WDR47: variants seen among roughly 807,000 people sequenced by gnomAD.
WDR47 encodes the protein WD repeat domain 47.
A neutral mutation model predicts 97.2 loss-of-function variants in WDR47; 32 were observed. The observed-to-expected ratio is 0.33, with a 90% confidence interval of 0.25 to 0.44. WDR47 has a LOEUF of 0.44. Among genes scored for constraint, WDR47 ranks in the 20% least tolerant of loss-of-function variants. The probability of loss-of-function intolerance (pLI) is 1.00; values close to 1 mark genes in which losing one functional copy is unlikely to be tolerated. For synonymous variants in WDR47, 375 were observed against 373.5 expected (o/e 1.00, Z -0.05); for missense variants, 782 against 1,102.3 (o/e 0.71, Z 4.11).
rs1661002410 is a variant in WDR47, at chr1:109,011,020, T to C, written c.1026A>G (p.Ser342=). ...GATAATGGAAGTTAGCAAAGGAGTG[T>C]GACATTGGAGAAGTTTTGTTTCCAA... ...SDLGNKTSPM[S]HSFANFHYPG... is the part of the protein sequence containing the mutation. Residue 342 remains serine, a synonymous_variant, in exon 5 of 15, where the codon TCA becomes TCG. Coordinates refer to ENST00000369962, the MANE Select transcript of WDR47 (RefSeq NM_001142551.2). The C allele has an allele frequency of 1.2e-6, 2 of 1,614,164 alleles. No homozygotes were observed. The highest frequency in any genetic ancestry group is 2.2e-5 in the South Asian group (2 of 91,088).
rs749121980 is a variant in WDR47 at position 108,981,735 on chromosome 1, G to A, written c.2396C>T (p.Thr799Ile). ...VRVVGTTFHGTGSAVASVAVD... is the reference protein window; with the variant it reads ...VRVVGTTFHGIGSAVASVAVD... Reference sequence around the variant, plus strand: ...ATATCATTTAAAGAAAAACCTACCAGTTCCATGAAATGTTGTGCCAACAAC... The same window carrying A: ...ATATCATTTAAAGAAAAACCTACCAATTCCATGAAATGTTGTGCCAACAAC... Residue 799 changes from threonine (T) to isoleucine (I), a missense_variant and splice_region_variant, in exon 13 of 15, where the codon ACT becomes ATT. Coordinates refer to ENST00000369962, the MANE Select transcript of WDR47 (RefSeq NM_001142551.2). The A allele has an allele frequency of 2.5e-6, 4 of 1,610,942 alleles. No homozygotes were observed. The highest frequency in any genetic ancestry group is 1.7e-5 in the Admixed American group (1 of 59,566).
intron 2 of WDR47, among the ~76,000 whole-genome samples, chr1:109,020,769 C>CAAA (rs1328266198): frequency 1.3e-5 from 2 of 151,916 alleles, no homozygotes; most frequent in Non-Finnish European, 2.9e-5. Flanking sequence ...ATTCATAACA[C>CAAA]AAAATATAGG....
chr1:109,010,102 A>G (rs754056457), intron 5 of WDR47, among the ~76,000 whole-genome samples: 3 of 152,202 alleles, frequency 2.0e-5, no homozygotes, highest in East Asian at 1.9e-4. Context: ...TTACTCTTCT[A>G]TATTTTCCAA....
chr1:109,025,221 T>G (rs1415130755), intron 1 of WDR47, among the ~76,000 whole-genome samples: 1 of 150,872 alleles, frequency 6.6e-6, no homozygotes, highest in Non-Finnish European at 1.5e-5. Flanking sequence ...GAGGATCACA[T>G]GAGCCCAGGA....
intron 1 of WDR47, among the ~76,000 whole-genome samples, chr1:109,032,789 C>T (rs1457581019): frequency 6.6e-6 from 1 of 151,598 alleles, no homozygotes; most frequent in African/African-American, 2.4e-5. Flanking sequence ...CCCAGCTATT[C>T]AGGAGGCTGA....
intron 8 of WDR47, among the ~76,000 whole-genome samples, 154 bp from the exon 9 acceptor site, chr1:108,991,483 G>GATTC (rs1396943482): frequency 3.3e-5 from 5 of 152,114 alleles, no homozygotes; most frequent in Non-Finnish European, 7.4e-5. Context: ...ATAAGCTCTG[G>GATTC]ATTCAGTGGC....
Position 108,981,842 on chromosome 1 carries a change from G to A in WDR47, c.2289C>T (p.Thr763=). 6.2e-7 allele frequency: 1 copy of A among 1,613,160 alleles called. No homozygotes were observed. ...CAGATGCAATCATCCAGCCACTCCA[G>A]GTATAAAGTGCTAAAATATGCCCTA... The part of the protein sequence containing the change: ...GHTGHILALY[T]WSGWMIASGS... Residue 763 remains threonine (T), a synonymous_variant, in exon 13 of 15, where the codon ACC becomes ACT. Transcript: ENST00000369962.
rs1379801771 is a variant in WDR47, at chr1:109,011,312, A to G, written c.734T>C (p.Leu245Pro). Residue 245 changes from leucine (L) to proline (P), a missense_variant, in exon 5 of 15, where the codon CTG becomes CCG. Coordinates refer to ENST00000369962, the MANE Select transcript of WDR47 (RefSeq NM_001142551.2). ...NGCDDLDLSL[L>P]SWLQNLPSSV... The stretch of plus-strand genomic sequence containing the variant: ...AGATGGAAGATTCTGAAGCCATGAC[A>G]GTAAACTCAGATCCAAATCATCACA... 1 of 1,614,248 alleles carries G rather than the reference A, an allele frequency of 6.2e-7. No homozygotes were observed. Among genetic ancestry groups the G allele is most frequent in the Non-Finnish European group, 8.5e-7 (1 of 1,180,042 alleles).
chr1:109,011,038 G>A lies in WDR47; in HGVS notation c.1008C>T (p.Asn336=). ...SHDKRISDLG[N]KTSPMSHSFA... ...AGGAGTGTGACATTGGAGAAGTTTT[G>A]TTTCCAAGGTCTGAAATTCTCTTAT... Residue 336 remains asparagine (N), a synonymous_variant, in exon 5 of 15, where the codon AAC becomes AAT. Coordinates refer to ENST00000369962, the MANE Select transcript of WDR47 (RefSeq NM_001142551.2). The A allele has an allele frequency of 1.9e-6, 3 of 1,614,136 alleles. No individual in the cohort carries two copies. The highest frequency in any genetic ancestry group is 2.5e-6 in the Non-Finnish European group (3 of 1,180,026).
intron 8 of WDR47, among the ~76,000 whole-genome samples, chr1:108,991,993 G>A (rs1659384913): frequency 6.6e-6 from 1 of 151,924 alleles, no homozygotes; most frequent in Non-Finnish European, 1.5e-5. Context: ...ACTGTTTACG[G>A]CCAGCCAAAG....
chr1:108,997,874 A>T (rs1659882313), intron 7 of WDR47, among the ~76,000 whole-genome samples: 1 of 152,090 alleles, frequency 6.6e-6, no homozygotes, highest in Admixed American at 6.6e-5. Flanking sequence ...TCCAGCTGAG[A>T]TTCAATATAA....
In WDR47 at chr1:109,002,479, T is replaced by C. The variant is rs894049420; in HGVS notation, c.1255-77A>G. 6.9e-6 allele frequency: 8 copies of C among 1,156,784 alleles called. No individual in the cohort carries two copies. The East Asian group carries it at 1.9e-4, about 27-fold the overall frequency. 71.7% of individuals were successfully genotyped at this position (1,156,784 alleles called of 1,614,324 possible). A position where few individuals can be genotyped will look rare whatever the true frequency, so the allele number is the denominator to read the frequency against. On this transcript the variant is annotated intron_variant, in intron 6 of 14. Transcript: ENST00000369962. ...ATATCTTAACAGTACCTTTTATAAATGCTGAATAAAATATACAATTAGCTA... is the reference window on the plus strand; with the variant it reads ...ATATCTTAACAGTACCTTTTATAAACGCTGAATAAAATATACAATTAGCTA...
At chr1:109,008,331 TG>T (rs1203434629) in intron 5 of WDR47, among the ~76,000 whole-genome samples, 21 of 151,946 alleles carry the variant, frequency 1.4e-4, no homozygotes, top group Non-Finnish European at 2.8e-4. Context: ...AGTGCAATGG[TG>T]TAATCTCTGC....
At chr1:109,023,005 C>A (rs1371513450) in intron 2 of WDR47, among the ~76,000 whole-genome samples, 1 of 151,556 alleles carries the variant, frequency 6.6e-6, no homozygotes, top group Non-Finnish European at 1.5e-5. Context: ...GAGATCGAGA[C>A]CATCCTGGCT....
chr1:108,983,909 T>C (rs533225983), intron 10 of WDR47, among the ~76,000 whole-genome samples: 1 of 152,352 alleles, frequency 6.6e-6, no homozygotes, highest in African/African-American at 2.4e-5. Flanking sequence ...TACAGGTAGA[T>C]ATTGTCATGA....
At position 108,995,596 on chromosome 1, in the gene WDR47, G is replaced by T; in HGVS notation, c.1675C>A (p.Pro559Thr). 6.2e-7 allele frequency: 1 copy of T among 1,614,078 alleles called. No homozygotes were observed. Among genetic ancestry groups the T allele is most frequent in the Non-Finnish European group, 8.5e-7 (1 of 1,179,964 alleles). ...AGCACTTACATTTGGCTTCCACAAG[G>T]TGATTCCTCCAGAAAAGGTATGTGA... Reference protein sequence around the residue: ...TNHIPFLEESPCGSQISSEHS... With the variant: ...TNHIPFLEESTCGSQISSEHS... The change falls in exon 8 of 15, where the codon CCT (proline) becomes ACT (threonine). Residue 559 changes from proline (P) to threonine (T), a missense_variant. Pro to Thr is a conservative substitution (Grantham distance 38, BLOSUM62 -1). Coordinates refer to ENST00000369962, the MANE Select transcript of WDR47 (RefSeq NM_001142551.2).
Position 108,983,423 on chromosome 1 carries a change from C to T in WDR47, c.1954G>A (p.Val652Ile), listed in dbSNP as rs971524749. The T allele has an allele frequency of 1.2e-6, 2 of 1,601,676 alleles. No individual in the cohort carries two copies. Among genetic ancestry groups the T allele is most frequent in the African/African-American group, 2.7e-5 (2 of 74,296 alleles). The change falls in exon 11 of 15, where the codon GTA (valine) becomes ATA (isoleucine). Residue 652 changes from valine to isoleucine, a missense_variant. Around this residue, in one of 3 missense-constraint regions of WDR47, gnomAD observed 228 missense variants for 396.7 expected, o/e 0.57. Transcript: ENST00000369962. ...TGATGTTTATTCCTTTTAAAACGTA[C>T]CACCGGCTGCTTAGGAGTCTCATGT... ...SAHETPKQPV[V>I]RFKRNKHHKG...
In WDR47 at chr1:109,041,705, C is replaced by T. The variant is rs562287171; in HGVS notation, c.-10+157G>A. 6.6e-5 allele frequency among the ~76,000 whole-genome samples: 10 copies of T among 152,330 alleles called. No homozygotes were observed. In the South Asian group the frequency reaches 2.1e-3, roughly 32 times the overall value. ...ACCCCAGCCCCCTCCCAGTCGGCAC[C>T]CAAGCCCACTAAAGACCCCTCTCCG... On this transcript the variant is annotated intron_variant, in intron 1 of 14. Transcript: ENST00000369962.
intron 8 of WDR47, among the ~76,000 whole-genome samples, chr1:108,993,257 CG>C (rs1659500188): frequency 6.6e-6 from 1 of 151,202 alleles, no homozygotes; most frequent in South Asian, 2.1e-4. Flanking sequence ...CCCAGGAGGC[CG>C]GGGGTTGCAG....
Sources: gnomAD v4.1 joint callset for allele counts (sites outside exome capture counted in the v4.1 genomes callset) on GRCh38, gnomAD v4.1.1 for gene constraint, gnomAD v4.1.1 regional missense constraint, MANE v1.5 for transcripts, NCBI Gene and HGNC (gene_info 2026-07-23, HGNC 2026-07-21) for gene names.